Variants in SEL1L3 observed in about 807,000 individuals in gnomAD.
The protein encoded by SEL1L3 is protein sel-1 homolog 3.
Under a neutral mutation model 142.8 loss-of-function variants are expected in SEL1L3, and 76 were observed. That is an observed-to-expected ratio of 0.53 (90% CI 0.44 to 0.64). The LOEUF (loss-of-function observed/expected upper bound fraction) is 0.64. SEL1L3 is among the 30% of genes least tolerant of loss of function. SEL1L3 has a pLI of 0.00. For synonymous variants in SEL1L3, 504 were observed against 519.6 expected (o/e 0.97, Z 0.41); for missense variants, 1,262 against 1,381.7 (o/e 0.91, Z 1.37).
At chr4:25,736,416 G>A in the SEL1L3 span, among the ~76,000 whole-genome samples, 10 of 151,618 alleles carry the variant, frequency 6.6e-5, no homozygotes, top group Non-Finnish European at 1.3e-4. Context: ...GAGAGACAGG[G>A]TTTCATCATG....
intron 1 of SEL1L3, among the ~76,000 whole-genome samples, chr4:25,857,623 G>C (rs1027289708): frequency 4.6e-5 from 7 of 152,086 alleles, no homozygotes; most frequent in Non-Finnish European, 1.0e-4. Context: ...CTTCAGAGAG[G>C]GTAAGTAACT....
intron 1 of SEL1L3, among the ~76,000 whole-genome samples, chr4:25,860,964 C>G (rs1717664347): frequency 6.6e-6 from 1 of 152,216 alleles, no homozygotes; most frequent in Admixed American, 6.5e-5. Context: ...TTATCTGTCT[C>G]TGTTTCCAGA....
At chr4:25,840,959 T>C (rs1176200134) in intron 2 of SEL1L3, among the ~76,000 whole-genome samples, 2 of 152,110 alleles carry the variant, frequency 1.3e-5, no homozygotes, top group Non-Finnish European at 2.9e-5. Context: ...TTTTCTCCTT[T>C]GTGTGCCACA....
chr4:25,735,413 T>C, the SEL1L3 span, among the ~76,000 whole-genome samples: 1 of 152,108 alleles, frequency 6.6e-6, no homozygotes, highest in African/African-American at 2.4e-5. Flanking sequence ...ATATTGGGAA[T>C]TTTGTGTCTT....
At chr4:25,727,862 G>A in the SEL1L3 span, among the ~76,000 whole-genome samples, 1 of 152,108 alleles carries the variant, frequency 6.6e-6, no homozygotes, top group Admixed American at 6.6e-5. Context: ...AAACAGTGTC[G>A]GGAAACAGGC....
chr4:25,825,767 T>C lies in SEL1L3; in HGVS notation c.1158-3639A>G, dbSNP rs2124653. 3.1e-4 allele frequency among the ~76,000 whole-genome samples: 44 copies of C among 142,620 alleles called. 2 individuals are homozygous for C. The East Asian group carries it at 8.4e-3, about 27-fold the overall frequency. 93.6% of individuals were successfully genotyped at this position (142,620 alleles called of 152,430 possible). A position where few individuals can be genotyped will look rare whatever the true frequency, so the allele number is the denominator to read the frequency against. On this transcript the variant is annotated intron_variant, in intron 6 of 23. Transcript: ENST00000399878. The stretch of plus-strand genomic sequence containing the variant: ...TCAGCTCACTGCAACCTCTGCCTCC[T>C]GGGTTCAAGCGATTCTCCTGCCTCA...
Position 25,788,434 on chromosome 4 carries a change from G to A in SEL1L3, c.2077-70C>T. The A allele has an allele frequency of 6.6e-7, 1 of 1,516,252 alleles. No individual in the cohort carries two copies. The highest frequency in any genetic ancestry group is 9.0e-7 in the Non-Finnish European group (1 of 1,107,162). 93.9% of individuals were successfully genotyped at this position (1,516,252 alleles called of 1,614,324 possible). On this transcript the variant is annotated intron_variant, in intron 12 of 23. Coordinates refer to ENST00000399878, the MANE Select transcript of SEL1L3 (RefSeq NM_015187.5). This position sits in a 1 kb window ranked among gnomAD's most constrained non-coding sequence, Gnocchi z 5.3. ...TGCTTAACACAAGATTTTGAAAGGT[G>A]GGAGAGCAAACCTACTTTACGATGT... is the stretch of plus-strand genomic sequence containing the variant.
intron 6 of SEL1L3, among the ~76,000 whole-genome samples, chr4:25,829,743 A>C (rs1444042386): frequency 1.3e-5 from 2 of 152,256 alleles, no homozygotes; most frequent in African/African-American, 4.8e-5. Context: ...CAAAGTTACC[A>C]ACCATTCTCA....
chr4:25,861,072 G>C (rs867434133), intron 1 of SEL1L3, among the ~76,000 whole-genome samples: 1 of 152,128 alleles, frequency 6.6e-6, no homozygotes, highest in African/African-American at 2.4e-5. Flanking sequence ...TGTCCACGTG[G>C]AACTTTTCGG....
chr4:25,812,589 G>A (rs1714102713), intron 9 of SEL1L3, among the ~76,000 whole-genome samples: 1 of 151,780 alleles, frequency 6.6e-6, no homozygotes, highest in Non-Finnish European at 1.5e-5. Context: ...GCAGGCATCT[G>A]TAATCCTAGT....
At chr4:25,834,151 T>G (rs1715618942) in intron 3 of SEL1L3, among the ~76,000 whole-genome samples, 1 of 152,186 alleles carries the variant, frequency 6.6e-6, no homozygotes, top group Non-Finnish European at 1.5e-5. Flanking sequence ...GAACAATTAA[T>G]CTAATTATCC....
chr4:25,847,590 A>G lies in SEL1L3; in HGVS notation c.437T>C (p.Val146Ala), dbSNP rs1560355262. ...KHLHTSRTQI[V>A]HVKFPSIMVY... is the part of the protein sequence containing the mutation. ...CATAATGCTTGGAAATTTCACATGT[A>G]CTATTTGTGTCCTGCTGGTGTGAAG... The change falls in exon 2 of 24, where the codon GTA becomes GCA. Residue 146 changes from valine (V) to alanine (A), a missense_variant. Transcript: ENST00000399878. The G allele has an allele frequency of 2.5e-6, 4 of 1,614,008 alleles. No homozygotes were observed. The highest frequency in any genetic ancestry group is 3.3e-5 in the Admixed American group (2 of 60,022).
intron 2 of SEL1L3, among the ~76,000 whole-genome samples, chr4:25,840,637 C>G (rs565164418): frequency 6.6e-6 from 1 of 152,282 alleles, no homozygotes; most frequent in Admixed American, 6.5e-5. Context: ...CATTTAAGAA[C>G]CTTCCAAGAG....
chr4:25,779,216 A>T lies in SEL1L3; in HGVS notation c.2458-13T>A. The T allele has an allele frequency of 6.2e-7, 1 of 1,611,870 alleles. No homozygotes were observed. The highest frequency in any genetic ancestry group is 1.1e-5 in the South Asian group (1 of 90,594). On this transcript the variant is annotated splice_polypyrimidine_tract_variant and intron_variant, in intron 15 of 23. Coordinates refer to ENST00000399878, the MANE Select transcript of SEL1L3 (RefSeq NM_015187.5). ...CACCAGCTAAAGTCTGTAACAAGAG[A>T]TGAACAAACATCGAGTCATCCTAGC...
At chr4:25,790,424 G>A (rs755702072) in intron 12 of SEL1L3, 31 bp downstream of exon 12, 1 of 1,611,456 alleles carries the variant, frequency 6.2e-7, no homozygotes, top group Non-Finnish European at 8.5e-7. Context: ...ATGGCTGACA[G>A]AATCCCCAAG....
chr4:25,808,975 A>G (rs1159062783), intron 9 of SEL1L3, among the ~76,000 whole-genome samples: 2 of 147,894 alleles, frequency 1.4e-5, no homozygotes, highest in East Asian at 2.1e-4. Context: ...TGGGAGGGTG[A>G]GGCAGGAGAA....
In SEL1L3 at chr4:25,801,016, T is replaced by C. The variant is rs371684037; in HGVS notation, c.1956+1267A>G. Among the ~76,000 whole-genome samples, 92 of 152,348 alleles carry C rather than the reference T, an allele frequency of 6.0e-4. 2 individuals carry two copies. In the South Asian group the frequency reaches 0.018, roughly 30 times the overall value. ...GGGGCAGAGCTGGGAACCAGGGGTC[T>C]GGTTCCCAGTCAGCCACGCAGCCTA... is the stretch of plus-strand genomic sequence containing the variant. On this transcript the variant is annotated intron_variant, in intron 11 of 23. Coordinates refer to ENST00000399878, the MANE Select transcript of SEL1L3 (RefSeq NM_015187.5).
chr4:25,821,893 TG>T (rs1276099819), intron 7 of SEL1L3, 102 bp downstream of exon 7: 3 of 1,178,752 alleles, frequency 2.5e-6, no homozygotes, highest in Non-Finnish European at 2.3e-6. Context: ...AGGCGATGCA[TG>T]GTCTGGCTTG....
chr4:25,792,758 A>G (rs1009996173), intron 11 of SEL1L3, among the ~76,000 whole-genome samples: 24 of 152,250 alleles, frequency 1.6e-4, no homozygotes, highest in African/African-American at 5.8e-4. Flanking sequence ...TGAGTCTCAG[A>G]TAAAGTAGCT....
Sources: allele counts gnomAD v4.1 joint callset (sites outside exome capture counted in the v4.1 genomes callset), GRCh38; gene constraint gnomAD v4.1.1; non-coding constraint Gnocchi (gnomAD v3.1); transcripts MANE v1.5; gene names NCBI Gene and HGNC (gene_info 2026-07-23, HGNC 2026-07-21).